The following PDE6B variants were observed in gnomAD, a reference collection of about 807,000 sequenced individuals.
PDE6B encodes the protein phosphodiesterase 6B.
Under a neutral mutation model 109.0 loss-of-function variants are expected in PDE6B, and 106 were observed. That is an observed-to-expected ratio of 0.97 (90% CI 0.83 to 1.14). PDE6B has a LOEUF of 1.14. Ranked by LOEUF, PDE6B falls within the 50% of genes most tolerant of loss-of-function variation. The pLI is 0.00. For synonymous variants in PDE6B, 490 were observed against 471.3 expected (o/e 1.04, Z -0.51); for missense variants, 1,193 against 1,155.6 (o/e 1.03, Z -0.47).
At chr4:669,458 C>T (rs1288651622) in intron 21 of PDE6B, among the ~76,000 whole-genome samples, 1 of 134,086 alleles carries the variant, frequency 7.5e-6, no homozygotes, top group African/African-American at 3.2e-5. Flanking sequence ...TTCCCACTAC[C>T]CCATGCTATT....
At chr4:658,930 A>G (rs1736693876) in intron 10 of PDE6B, 22 bp from the exon 11 acceptor site, 1 of 1,590,342 alleles carries the variant, frequency 6.3e-7, no homozygotes, top group Non-Finnish European at 8.6e-7. Flanking sequence ...CTTTCTCGTG[A>G]CACATCTGTG....
chr4:654,583 G>A (rs764490779), intron 5 of PDE6B: 18 of 619,410 alleles, frequency 2.9e-5, no homozygotes, highest in African/African-American at 2.5e-4. Context: ...TATTGGGGAC[G>A]GTCTGCATGT....
chr4:635,990 G>A (rs1462315227), intron 3 of PDE6B, 21 bp downstream of exon 3: 4 of 1,454,812 alleles, frequency 2.7e-6, no homozygotes, highest in Non-Finnish European at 3.9e-6. Context: ...GCTGAGCACA[G>A]CTCTGCCCAC....
chr4:659,995 G>C (rs2109239758), intron 11 of PDE6B, among the ~76,000 whole-genome samples: 1 of 152,282 alleles, frequency 6.6e-6, no homozygotes, highest in East Asian at 1.9e-4. Flanking sequence ...GTTACCTCAT[G>C]GCTGTGTGTG....
intron 10 of PDE6B, among the ~76,000 whole-genome samples, chr4:658,493 C>T (rs1025717225): frequency 6.6e-5 from 10 of 151,858 alleles, no homozygotes; most frequent in African/African-American, 2.2e-4. Context: ...GCAGGTCACC[C>T]AGGGGTCACG....
At chr4:634,554 G>A in intron 1 of PDE6B, 123 bp from the exon 2 acceptor site, 1 of 847,198 alleles carries the variant, frequency 1.2e-6, no homozygotes, top group Non-Finnish European at 2.1e-6. Flanking sequence ...GCCCAGCAGG[G>A]CCCCTGGGCA....
At position 635,974 on chromosome 4, in the gene PDE6B, C is replaced by T. The variant is rs771400327; in HGVS notation, c.711+5C>T. ...TGCGAGACGCGCCGCGGCCAGGTAC[C>T]CACACGCTGAGCACAGCTCTGCCCA... On this transcript the variant is annotated splice_donor_5th_base_variant and intron_variant, in intron 3 of 21. Transcript: ENST00000496514. 2 of 1,558,696 alleles carry T rather than the reference C, an allele frequency of 1.3e-6. No individual in the cohort carries two copies. Among genetic ancestry groups the T allele is most frequent in the Admixed American group, 1.7e-5 (1 of 59,976 alleles).
chr4:657,205 A>T (rs1312468155), intron 9 of PDE6B, 146 bp from the exon 10 acceptor site: 1 of 1,120,502 alleles, frequency 8.9e-7, no homozygotes, highest in Non-Finnish European at 1.3e-6. Context: ...TCTGCAGAGC[A>T]CCCGGGAGAC....
intron 11 of PDE6B, among the ~76,000 whole-genome samples, chr4:659,237 A>G (rs998329587): frequency 6.6e-6 from 1 of 152,078 alleles, no homozygotes; most frequent in Non-Finnish European, 1.5e-5. Context: ...GTGTGTTTGC[A>G]TGGCCAGAAT....
At chr4:645,667 G>A (rs1419486643) in intron 3 of PDE6B, among the ~76,000 whole-genome samples, 1 of 151,974 alleles carries the variant, frequency 6.6e-6, no homozygotes, top group African/African-American at 2.4e-5. Flanking sequence ...CATTTTCTCT[G>A]TGTTGCACTT....
chr4:637,315 C>G (rs114597478), intron 3 of PDE6B, among the ~76,000 whole-genome samples: 2 of 151,880 alleles, frequency 1.3e-5, no homozygotes, highest in Admixed American at 6.6e-5. Context: ...TCTGCCCCCC[C>G]GGTTCAAACG....
intron 12 of PDE6B, 187 bp from the exon 13 acceptor site, chr4:661,947 C>G (rs1577296050): frequency 3.2e-6 from 2 of 633,802 alleles, no homozygotes; most frequent in Non-Finnish European, 5.8e-6. Context: ...AATGTGGCAG[C>G]CCCTACCCAG....
In PDE6B at chr4:664,866, G is replaced by C. The variant is rs765410161; in HGVS notation, c.2130-15G>C. ...GAGACGCCCATCAGCACTCGTGCCCGGTTTGTGTCTGCAGGGCCATGATGA... is the reference window on the plus strand; with the variant it reads ...GAGACGCCCATCAGCACTCGTGCCCCGTTTGTGTCTGCAGGGCCATGATGA... On this transcript the variant is annotated splice_polypyrimidine_tract_variant and intron_variant, in intron 17 of 21. Transcript: ENST00000496514. The C allele has an allele frequency of 1.9e-6, 3 of 1,611,160 alleles. No individual in the cohort carries two copies. Among genetic ancestry groups the C allele is most frequent in the Non-Finnish European group, 2.5e-6 (3 of 1,178,080 alleles).
chr4:631,509 G>T (rs1026680027), intron 1 of PDE6B, among the ~76,000 whole-genome samples: 1 of 152,028 alleles, frequency 6.6e-6, no homozygotes, highest in Non-Finnish European at 1.5e-5. Flanking sequence ...CATGTTATGT[G>T]GATCTGTGTG....
In PDE6B at chr4:663,844, C is replaced by T. The variant is rs752437687; in HGVS notation, c.1995C>T (p.Ile665=). ...TCCACCTGATGGACATCGCCATCAT[C>T]GCCACGGACCTGGCCCTGTACTTCA... ...HVIHLMDIAI[I]ATDLALYFKK... is the part of the protein sequence containing the mutation. The change falls in exon 16 of 22, where the codon ATC becomes ATT. Residue 665 remains isoleucine, a synonymous_variant. Coordinates refer to ENST00000496514, the MANE Select transcript of PDE6B (RefSeq NM_000283.4). This position sits in a 1 kb window ranked among gnomAD's most constrained non-coding sequence, Gnocchi z 4.0. 1 of 1,611,830 alleles carries T rather than the reference C, an allele frequency of 6.2e-7. No homozygotes were observed. Among genetic ancestry groups the T allele is most frequent in the South Asian group, 1.1e-5 (1 of 91,068 alleles).
At chr4:656,832 C>A (rs947686748) in intron 8 of PDE6B, 42 bp from the exon 9 acceptor site, 4 of 1,608,562 alleles carry the variant, frequency 2.5e-6, no homozygotes, top group Admixed American at 3.3e-5. Context: ...GGGCCAGGGC[C>A]AGCCTCAGGG....
intron 1 of PDE6B, among the ~76,000 whole-genome samples, chr4:627,717 C>A (rs1175535139): frequency 6.7e-6 from 1 of 150,138 alleles, no homozygotes; most frequent in East Asian, 2.0e-4. Context: ...CCTTTTCTGC[C>A]ATCCTCCCCG....
chr4:652,790 G>T (rs1241782591), intron 3 of PDE6B: 1 of 152,334 alleles, frequency 6.6e-6, no homozygotes, highest in Non-Finnish European at 1.5e-5. Flanking sequence ...TATCAGAGCG[G>T]CGTCCTGGAA....
In PDE6B at chr4:657,459, G is replaced by C. The variant is rs376028657; in HGVS notation, c.1366G>C (p.Val456Leu). The C allele has an allele frequency of 1.2e-6, 2 of 1,613,256 alleles. No individual in the cohort carries two copies. Among genetic ancestry groups the C allele is most frequent in the African/African-American group, 2.7e-5 (2 of 74,928 alleles). Residue 456 changes from valine (V) to leucine (L), a missense_variant, in exon 10 of 22, where the codon GTG becomes CTG. Transcript: ENST00000496514. ...DIAQDMVLYH[V>L]KCDRDEIQLI... ...CGCACAGGACATGGTCCTTTACCAC[G>C]TGAAGTGCGACAGGGACGAGATCCA...
Sources: gnomAD v4.1 joint callset for allele counts (sites outside exome capture counted in the v4.1 genomes callset) on GRCh38, gnomAD v4.1.1 for gene constraint, Gnocchi (gnomAD v3.1) non-coding constraint, MANE v1.5 for transcripts, NCBI Gene and HGNC (gene_info 2026-07-23, HGNC 2026-07-21) for gene names.